VWA3A: variants seen among roughly 807,000 people sequenced by gnomAD.
VWA3A encodes the protein von Willebrand factor A domain-containing protein 3A.
In VWA3A, 134 loss-of-function variants were observed where a neutral mutation model predicts 160.4. That is an observed-to-expected ratio of 0.84 (90% CI 0.73 to 0.96). The LOEUF is 0.96. Among genes scored for constraint, VWA3A ranks in the 40% least tolerant of loss-of-function variants. The pLI is 0.00. For synonymous variants in VWA3A, 476 were observed against 543.4 expected (o/e 0.88, Z 1.72); for missense variants, 1,310 against 1,447.9 (o/e 0.90, Z 1.55).
rs569069206 is a variant in VWA3A, at chr16:22,113,363, CTTTTTTTTTTTTTTTTTTT to C, written c.690-1969_690-1951del. 2.2e-4 allele frequency among the ~76,000 whole-genome samples: 10 copies of C among 46,264 alleles called. No homozygotes were observed. In the East Asian group the frequency reaches 3.8e-3, roughly 17 times the overall value. The allele number at this position is 46,264 out of a possible 152,430, so 30.4% of individuals were successfully genotyped here. On this transcript the variant is annotated intron_variant, in intron 8 of 33. Transcript: ENST00000389398. ...TGCTCCACAATGCCTGGCTAATTTTCTTTTTTTTTTTTTTTTTTTTTTTTTTTTTTTTTGTATTTTTAGT... is the reference window on the plus strand; with the variant it reads ...TGCTCCACAATGCCTGGCTAATTTTCTTTTTTTTTTTTTTGTATTTTTAGT...
At chr16:22,147,709 CA>C (rs2046278798) in intron 27 of VWA3A, 1 of 700,600 alleles carries the variant, frequency 1.4e-6, no homozygotes, top group East Asian at 2.7e-5. Flanking sequence ...ACCCTCGGTT[CA>C]CATTACCCCT....
At position 22,146,309 on chromosome 16, in the gene VWA3A, G is replaced by A. The variant is rs1285260235; in HGVS notation, c.2804G>A (p.Arg935Lys). 1.2e-6 allele frequency: 2 copies of A among 1,613,624 alleles called. No individual in the cohort carries two copies. The highest frequency in any genetic ancestry group is 1.7e-4 in the Middle Eastern group (1 of 6,060). The change falls in exon 27 of 34, where the codon AGG becomes AAG. Residue 935 changes from arginine to lysine, a missense_variant. Coordinates refer to ENST00000389398, the MANE Select transcript of VWA3A (RefSeq NM_173615.5). ...ATCAGGCACTTGGAGAAGGTGTTAA[G>A]GCGCTATGTCCAGAGGCTGCAGTGG... Reference protein sequence around the residue: ...VYIRHLEKVLRRYVQRLQWLL... With the variant: ...VYIRHLEKVLKRYVQRLQWLL...
intron 6 of VWA3A, among the ~76,000 whole-genome samples, chr16:22,105,553 C>T (rs538641019): frequency 1.4e-4 from 22 of 152,344 alleles, no homozygotes; most frequent in Admixed American, 4.6e-4. Context: ...TCTGTTTAGG[C>T]TCCCTAATTT....
Position 22,092,779 on chromosome 16 carries a change from C to T in VWA3A, c.14+128C>T, listed in dbSNP as rs1004323536. The stretch of plus-strand genomic sequence containing the variant: ...TGTGAAGTGTCCACTCCCTACATGC[C>T]GAGCATTGGGCTAAATGCTGGGGTG... On this transcript the variant is annotated intron_variant, in intron 1 of 33. Transcript: ENST00000389398. The T allele has an allele frequency of 2.3e-5, 28 of 1,208,310 alleles. No homozygotes were observed. In the East Asian group the frequency reaches 2.5e-4, roughly 11 times the overall value. 74.8% of individuals were successfully genotyped at this position (1,208,310 alleles called of 1,614,324 possible).
intron 27 of VWA3A, 46 bp from the exon 28 acceptor site, chr16:22,148,116 G>T (rs753210729): frequency 6.5e-7 from 1 of 1,537,172 alleles, no homozygotes; most frequent in Non-Finnish European, 8.8e-7. Context: ...CAGGAGGAGG[G>T]ACCCCTCACT....
intron 17 of VWA3A, among the ~76,000 whole-genome samples, chr16:22,128,057 G>T (rs1439427575): frequency 2.0e-5 from 3 of 152,122 alleles, no homozygotes; most frequent in Non-Finnish European, 4.4e-5. Context: ...ATGAGCAGAG[G>T]TGTGACGTAT....
chr16:22,144,314 C>T lies in VWA3A; in HGVS notation c.2660C>T (p.Thr887Ile). 6.2e-7 allele frequency: 1 copy of T among 1,613,952 alleles called. No individual in the cohort carries two copies. The highest frequency in any genetic ancestry group is 8.5e-7 in the Non-Finnish European group (1 of 1,179,884). ...TCCAGATGCATGGGTCCCAACTGCA[C>T]TCATCAAAAGTCAGGACAGAGGTCA... ...EISRCMGPNCTHQKSGQRSAS... is the reference protein window; with the variant it reads ...EISRCMGPNCIHQKSGQRSAS... The change falls in exon 26 of 34, where the codon ACT (threonine) becomes ATT (isoleucine). Residue 887 changes from threonine (T) to isoleucine (I), a missense_variant. Coordinates refer to ENST00000389398, the MANE Select transcript of VWA3A (RefSeq NM_173615.5).
chr16:22,093,433 T>C (rs2141813662), intron 1 of VWA3A, among the ~76,000 whole-genome samples: 1 of 152,292 alleles, frequency 6.6e-6, no homozygotes, highest in African/African-American at 2.4e-5. Context: ...AAGACCTCTC[T>C]AATAAGATTT....
intron 11 of VWA3A, 130 bp from the exon 12 acceptor site, chr16:22,118,772 G>C: frequency 8.2e-7 from 1 of 1,221,928 alleles, no homozygotes; most frequent in Non-Finnish European, 1.2e-6. Context: ...ATGGGTCCCA[G>C]TGTATAAGGC....
intron 22 of VWA3A, among the ~76,000 whole-genome samples, chr16:22,139,714 CA>C (rs932456030): frequency 1.3e-5 from 2 of 150,224 alleles, no homozygotes; most frequent in South Asian, 2.1e-4. Flanking sequence ...AACAAACAAA[CA>C]AAAAAAAACT....
In VWA3A at chr16:22,156,563, A is replaced by G. The variant is rs1483658367; in HGVS notation, c.*546A>G. 2 of 152,346 alleles carry G rather than the reference A, an allele frequency of 1.3e-5. No individual in the cohort carries two copies. The highest frequency in any genetic ancestry group is 2.4e-5 in the African/African-American group (1 of 41,432). The allele number at this position is 152,346 out of a possible 1,614,324, so 9.4% of individuals were successfully genotyped here. On this transcript the variant is annotated 3_prime_UTR_variant, in exon 34 of 34. Coordinates refer to ENST00000389398, the MANE Select transcript of VWA3A (RefSeq NM_173615.5). ...TTCGGGATGAGACTGGTGTCCCAGG[A>G]TCTGCAGGTCCCCAGAAGCTGCCAC...
intron 19 of VWA3A, 130 bp downstream of exon 19, chr16:22,131,859 C>A (rs2141959668): frequency 1.5e-6 from 2 of 1,290,750 alleles, no homozygotes; most frequent in Non-Finnish European, 2.1e-6. Context: ...AATGTATAGA[C>A]AAGCACCTAA....
Position 22,146,768 on chromosome 16 carries a change from C to CA in VWA3A, c.2839+438dup, listed in dbSNP as rs756209623. 3.9e-3 allele frequency among the ~76,000 whole-genome samples: 521 copies of CA among 132,880 alleles called. 2 individuals are homozygous for CA. The highest frequency in any genetic ancestry group is 0.01 in the South Asian group (42 of 4,094). The allele number at this position is 132,880 out of a possible 152,430, so 87.2% of individuals were successfully genotyped here. On this transcript the variant is annotated intron_variant, in intron 27 of 33. Coordinates refer to ENST00000389398, the MANE Select transcript of VWA3A (RefSeq NM_173615.5). ...TGGGCAACAAGAGTGAAACTCTATC[C>CA]AAAAAAAAAAAAAATGACAGTGGGT...
rs1055869616 is a variant in VWA3A at position 22,138,507 on chromosome 16, A to G, written c.2287A>G (p.Arg763Gly). 4 of 1,613,776 alleles carry G rather than the reference A, an allele frequency of 2.5e-6. No homozygotes were observed. Among genetic ancestry groups the G allele is most frequent in the Non-Finnish European group, 3.4e-6 (4 of 1,179,834 alleles). The part of the protein sequence containing the change: ...PPRPTVPLGA[R>G]MSIKDDPDRE... ...CAGGCCCACCGTCCCCCTGGGGGCC[A>G]GAATGGTTTGACTCCCCTCCTAATA... Residue 763 changes from arginine to glycine, a missense_variant, in exon 22 of 34, where the codon AGA becomes GGA. Physicochemically the swap from Arg to Gly is moderately radical, Grantham distance 125. Coordinates refer to ENST00000389398, the MANE Select transcript of VWA3A (RefSeq NM_173615.5).
At chr16:22,142,376 G>T (rs761876782) in intron 24 of VWA3A, among the ~76,000 whole-genome samples, 4 of 152,234 alleles carry the variant, frequency 2.6e-5, no homozygotes, top group Middle Eastern at 6.8e-3. Context: ...GGTGGAAGGC[G>T]CTGGGGAGCT....
Position 22,155,900 on chromosome 16 carries a change from T to C in VWA3A, c.3553T>C (p.Ter1185GlnextTer15). The C allele has an allele frequency of 1.2e-6, 2 of 1,614,006 alleles. No individual in the cohort carries two copies. The highest frequency in any genetic ancestry group is 2.2e-5 in the East Asian group (1 of 44,882). ...TGCAGAACCAAAGGTCACTCTTTCC[T>C]AGAGAAGTGTTCTCAGGTAAGGGGA... ...NDAEPKVTLS[*>Q] is the part of the protein sequence containing the mutation. Residue 1185 changes from the stop codon to glutamine, a stop_lost, in exon 33 of 34, where the codon TAG becomes CAG. Transcript: ENST00000389398.
intron 11 of VWA3A, 136 bp downstream of exon 11, chr16:22,117,312 G>GGTTACAC: frequency 3.2e-6 from 3 of 928,978 alleles, no homozygotes; most frequent in Non-Finnish European, 4.8e-6. Context: ...TGTATTCAAT[G>GGTTACAC]AGGTTACACA....
intron 11 of VWA3A, 87 bp from the exon 12 acceptor site, chr16:22,118,815 A>G: frequency 1.9e-6 from 3 of 1,565,102 alleles, no homozygotes; most frequent in Non-Finnish European, 2.6e-6. Flanking sequence ...CTGCCTGGGC[A>G]TTGGCCTGGC....
At chr16:22,137,327 T>TA (rs753216308) in intron 21 of VWA3A, among the ~76,000 whole-genome samples, 18 of 152,158 alleles carry the variant, frequency 1.2e-4, no homozygotes, top group Non-Finnish European at 5.9e-5. Flanking sequence ...CATTGAGTAT[T>TA]ACACCATTAG....
Sources: allele counts gnomAD v4.1 joint callset (sites outside exome capture counted in the v4.1 genomes callset), GRCh38; gene constraint gnomAD v4.1.1; transcripts MANE v1.5; gene names NCBI Gene and HGNC (gene_info 2026-07-23, HGNC 2026-07-21).